WDR5: variants seen among roughly 807,000 people sequenced by gnomAD.
WDR5 encodes WD repeat-containing protein 5.
For missense variants in WDR5, 187 were observed against 416.9 expected (o/e 0.45, Z 4.80); for synonymous variants, 144 against 161.6 (o/e 0.89, Z 0.83).
At position 134,141,957 on chromosome 9, in the gene WDR5, C is replaced by T. The variant is rs200619086; in HGVS notation, c.273C>T (p.Ser91=). 6.2e-6 allele frequency: 10 copies of T among 1,614,070 alleles called. No individual in the cohort carries two copies. Among genetic ancestry groups the T allele is most frequent in the Admixed American group, 1.7e-5 (1 of 60,010 alleles). Residue 91 remains serine, a synonymous_variant, in exon 5 of 14, where the codon TCC becomes TCT. Coordinates refer to ENST00000358625, the MANE Select transcript of WDR5 (RefSeq NM_017588.3). ...TGTTTTTTCTCCCCAAGGGAATATC[C>T]GATGTAGCCTGGTCGTCAGATTCTA... ...KTISGHKLGI[S]DVAWSSDSNL...
chr9:134,147,008 G>A (rs914039523), intron 7 of WDR5, among the ~76,000 whole-genome samples: 1 of 152,248 alleles, frequency 6.6e-6, no homozygotes, highest in Non-Finnish European at 1.5e-5. Flanking sequence ...GCCGCATGAT[G>A]GCCCAGAGCT....
intron 7 of WDR5, among the ~76,000 whole-genome samples, chr9:134,145,304 G>A (rs888055962): frequency 7.2e-5 from 11 of 151,948 alleles, no homozygotes; most frequent in African/African-American, 2.4e-4. Flanking sequence ...TCACCATGTT[G>A]GCCAGGCTGG....
At position 134,142,775 on chromosome 9, in the gene WDR5, G is replaced by C. The variant is rs191409134; in HGVS notation, c.528+56G>C. On this transcript the variant is annotated intron_variant, in intron 7 of 13. Transcript: ENST00000358625. ...TCCAGCACTACGTTTCTCTGACATC[G>C]GATGTGGCCAGCTGTCTCCCTGAGG... The C allele has an allele frequency of 4.8e-5, 76 of 1,569,998 alleles. No individual in the cohort carries two copies. The Admixed American group carries it at 1.3e-3, about 26-fold the overall frequency.
intron 7 of WDR5, among the ~76,000 whole-genome samples, chr9:134,145,821 C>T (rs1832163428): frequency 6.6e-6 from 1 of 152,150 alleles, no homozygotes; most frequent in Non-Finnish European, 1.5e-5. Flanking sequence ...CCTGGAGCTT[C>T]TGCTACTGCT....
At chr9:134,142,183 G>A in intron 5 of WDR5, 145 bp downstream of exon 5, 4 of 957,318 alleles carry the variant, frequency 4.2e-6, no homozygotes, top group Non-Finnish European at 6.3e-6. Context: ...GGCGGGGGTG[G>A]GTGGGGGAGG....
intron 9 of WDR5, among the ~76,000 whole-genome samples, chr9:134,153,542 C>T (rs1169472608): frequency 1.1e-4 from 16 of 152,230 alleles, no homozygotes; most frequent in Non-Finnish European, 2.9e-5. Context: ...CCTCGGCCTG[C>T]CTGGCGGTGT....
chr9:134,144,530 C>T (rs1384871089), intron 7 of WDR5, among the ~76,000 whole-genome samples: 3 of 152,088 alleles, frequency 2.0e-5, no homozygotes, highest in Non-Finnish European at 2.9e-5. Context: ...ACGAAAGTCA[C>T]GTTTGCTCAT....
intron 2 of WDR5, among the ~76,000 whole-genome samples, chr9:134,140,211 A>C (rs28594106): frequency 0.02 from 3,042 of 152,262 alleles, 45 homozygotes; most frequent in Middle Eastern, 0.031. Flanking sequence ...CTCTGTAGGA[A>C]CCAGAAAACA....
chr9:134,136,989 C>G lies in WDR5; in HGVS notation c.-59+789C>G, dbSNP rs149703089. On this transcript the variant is annotated intron_variant, in intron 1 of 13. Coordinates refer to ENST00000358625, the MANE Select transcript of WDR5 (RefSeq NM_017588.3). ...CAGGCGGGGAGCCTGTCCAGGATCT[C>G]AGATAGGGAGAGCCAGGTCCCCACC... is the stretch of plus-strand genomic sequence containing the variant. 8.9e-3 allele frequency among the ~76,000 whole-genome samples: 1,355 copies of G among 152,330 alleles called. 12 individuals carry two copies. The highest frequency in any genetic ancestry group is 0.014 in the Non-Finnish European group (969 of 68,030).
intron 4 of WDR5, 24 bp downstream of exon 4, chr9:134,141,607 A>C (rs1455899565): frequency 6.2e-6 from 10 of 1,613,204 alleles, no homozygotes; most frequent in Non-Finnish European, 8.5e-6. Flanking sequence ...CTGTGCGGTG[A>C]AGTTGACTGT....
At chr9:134,141,898 A>G in intron 4 of WDR5, 51 bp from the exon 5 acceptor site, 1 of 1,555,148 alleles carries the variant, frequency 6.4e-7, no homozygotes, top group South Asian at 1.1e-5. Flanking sequence ...CCTTTTGCCG[A>G]TGGTCCTATT....
rs181066626 is a variant in WDR5, at chr9:134,145,342, G to A, written c.528+2623G>A. Among the ~76,000 whole-genome samples the A allele has an allele frequency of 8.5e-5, 13 of 152,170 alleles. No homozygotes were observed. The East Asian group carries it at 2.1e-3, about 25-fold the overall frequency. The stretch of plus-strand genomic sequence containing the variant: ...TCAATCTCCTAACCTCAAGTGATCC[G>A]CCCGCCTGGTCCTCCCAAAGTGCTG... On this transcript the variant is annotated intron_variant, in intron 7 of 13. Transcript: ENST00000358625.
chr9:134,157,857 G>T lies in WDR5; in HGVS notation c.905-36G>T. 1 of 1,605,402 alleles carries T rather than the reference G, an allele frequency of 6.2e-7. No homozygotes were observed. Among genetic ancestry groups the T allele is most frequent in the Non-Finnish European group, 8.5e-7 (1 of 1,172,258 alleles). ...GATGGCGTCCCCGACCCAGGCGCAG[G>T]GATGGCTCTGGTTCTGACTGTGTCT... On this transcript the variant is annotated intron_variant, in intron 13 of 13. Transcript: ENST00000358625. This position sits in a 1 kb window ranked among gnomAD's most constrained non-coding sequence, Gnocchi z 5.0.
intron 1 of WDR5, among the ~76,000 whole-genome samples, chr9:134,137,949 G>A (rs942833923): frequency 2.3e-4 from 35 of 152,224 alleles, no homozygotes; most frequent in African/African-American, 8.2e-4. Flanking sequence ...CTCCATGCTG[G>A]TCAGGCTGGT....
In WDR5 at chr9:134,142,048, A is replaced by T. The variant is rs1364510449; in HGVS notation, c.354+10A>T. The T allele has an allele frequency of 1.9e-6, 3 of 1,613,144 alleles. No homozygotes were observed. Among genetic ancestry groups the T allele is most frequent in the Non-Finnish European group, 2.5e-6 (3 of 1,179,406 alleles). ...ATGGGACGTGAGCTCGGTAAGTGAC[A>T]CTCAGTGCTTCTCTCCAGGGGAGAC... On this transcript the variant is annotated intron_variant, in intron 5 of 13. Transcript: ENST00000358625.
At chr9:134,151,211 A>G (rs577842246) in intron 8 of WDR5, among the ~76,000 whole-genome samples, 1 of 152,264 alleles carries the variant, frequency 6.6e-6, no homozygotes, top group East Asian at 1.9e-4. Flanking sequence ...TCTGAGGTCC[A>G]GTGTGGTCTC....
intron 1 of WDR5, among the ~76,000 whole-genome samples, chr9:134,137,224 G>A (rs888688420): frequency 9.9e-5 from 15 of 152,196 alleles, no homozygotes; most frequent in Admixed American, 3.3e-4. Flanking sequence ...TTACCTGGAT[G>A]AAAAGCAGTG....
At chr9:134,142,232 C>A in intron 5 of WDR5, 101 bp from the exon 6 acceptor site, 1 of 1,330,450 alleles carries the variant, frequency 7.5e-7, no homozygotes, top group Non-Finnish European at 1.1e-6. Context: ...ACTGGCGGGG[C>A]ATCAGGCATG....
At chr9:134,154,027 A>T (rs1274836209) in intron 9 of WDR5, among the ~76,000 whole-genome samples, 2 of 152,170 alleles carry the variant, frequency 1.3e-5, no homozygotes, top group African/African-American at 4.8e-5. Context: ...CAACAAACAG[A>T]TGGGTTCTGT....
Sources: gnomAD v4.1 joint callset for allele counts (sites outside exome capture counted in the v4.1 genomes callset) on GRCh38, gnomAD v4.1.1 for gene constraint, Gnocchi (gnomAD v3.1) non-coding constraint, MANE v1.5 for transcripts, NCBI Gene and HGNC (gene_info 2026-07-23, HGNC 2026-07-21) for gene names.